PCDHGB7: variants seen among roughly 807,000 people sequenced by gnomAD.
The protein encoded by PCDHGB7 is protocadherin gamma-B7.
Under a neutral mutation model 61.4 loss-of-function variants are expected in PCDHGB7, and 37 were observed. That is an observed-to-expected ratio of 0.60 (90% CI 0.46 to 0.79). The LOEUF is 0.79. Among genes scored for constraint, PCDHGB7 ranks in the 30% least tolerant of loss-of-function variants. The pLI, the probability that PCDHGB7 is intolerant of heterozygous loss-of-function variation, is 0.00. For missense variants in PCDHGB7, 1,166 were observed against 1,202.5 expected (o/e 0.97, Z 0.45); for synonymous variants, 464 against 503.5 (o/e 0.92, Z 1.05).
At chr5:141,469,312 C>T (rs1387258560) in intron 1 of PCDHGB7, among the ~76,000 whole-genome samples, 2 of 152,064 alleles carry the variant, frequency 1.3e-5, no homozygotes, top group Non-Finnish European at 2.9e-5. Flanking sequence ...CACGATGGCT[C>T]ACGCCTGTAA....
chr5:141,425,949 C>T (rs2096905190), intron 1 of PCDHGB7, among the ~76,000 whole-genome samples: 1 of 152,224 alleles, frequency 6.6e-6, no homozygotes. Flanking sequence ...GTTTCCTATA[C>T]ATTAGTCCAA....
intron 1 of PCDHGB7, among the ~76,000 whole-genome samples, chr5:141,458,695 G>A (rs551105765): frequency 2.0e-5 from 3 of 151,852 alleles, no homozygotes; most frequent in Non-Finnish European, 2.9e-5. Context: ...TCAGCCTCCC[G>A]AGTAGCTGGG....
rs2099693161 is a variant in PCDHGB7, at chr5:141,489,871, G to T, written c.2416-4936G>T. ...TGAAGCCCAGGCAAGACATCAGCTG[G>T]TGCTTACTGCTGTGGATGGGGGGAC... On this transcript the variant is annotated intron_variant, in intron 1 of 3. Coordinates refer to ENST00000398594, the MANE Select transcript of PCDHGB7 (RefSeq NM_018927.4). This position sits in a 1 kb window ranked among gnomAD's most constrained non-coding sequence, Gnocchi z 4.5. The T allele has an allele frequency of 6.2e-7, 1 of 1,614,088 alleles. No homozygotes were observed. Among genetic ancestry groups the T allele is most frequent in the Non-Finnish European group, 8.5e-7 (1 of 1,180,022 alleles).
intron 1 of PCDHGB7, among the ~76,000 whole-genome samples, chr5:141,473,873 C>CA (rs1471085914): frequency 2.6e-5 from 4 of 152,130 alleles, no homozygotes; most frequent in African/African-American, 7.2e-5. Flanking sequence ...GTGGAGAATG[C>CA]ATACACAAGG....
At chr5:141,442,466 A>T (rs1270035223) in intron 1 of PCDHGB7, 1 of 152,254 alleles carries the variant, frequency 6.6e-6, no homozygotes, top group African/African-American at 2.4e-5. Flanking sequence ...TTCACTGCAG[A>T]AAGCCCCTTG....
At position 141,477,855 on chromosome 5, in the gene PCDHGB7, T is replaced by C; in HGVS notation, c.2416-16952T>C. The C allele has an allele frequency of 1.2e-6, 2 of 1,613,698 alleles. No individual in the cohort carries two copies. The highest frequency in any genetic ancestry group is 1.7e-6 in the Non-Finnish European group (2 of 1,179,882). On this transcript the variant is annotated intron_variant, in intron 1 of 3. Coordinates refer to ENST00000398594, the MANE Select transcript of PCDHGB7 (RefSeq NM_018927.4). The surrounding 1 kb of genome is among the most constrained non-coding windows in gnomAD (Gnocchi z 4.9). ...CCAGGTGGGAGCTCGGTGGAGATGC[T>C]GCCTCGAGGTACCTCAGCTGGCCAC...
intron 1 of PCDHGB7, among the ~76,000 whole-genome samples, chr5:141,461,968 C>A (rs2099027589): frequency 6.6e-6 from 1 of 152,204 alleles, no homozygotes; most frequent in African/African-American, 2.4e-5. Context: ...GGATTCCAGG[C>A]ATATGCCACC....
rs770219250 is a variant in PCDHGB7, at chr5:141,477,852, T to C, written c.2416-16955T>C. Reference sequence around the variant, plus strand: ...CGGCCAGGTGGGAGCTCGGTGGAGATGCTGCCTCGAGGTACCTCAGCTGGC... The same window carrying C: ...CGGCCAGGTGGGAGCTCGGTGGAGACGCTGCCTCGAGGTACCTCAGCTGGC... On this transcript the variant is annotated intron_variant, in intron 1 of 3. Transcript: ENST00000398594. This position sits in a 1 kb window ranked among gnomAD's most constrained non-coding sequence, Gnocchi z 4.9. The C allele has an allele frequency of 6.2e-7, 1 of 1,613,654 alleles. No homozygotes were observed. Among genetic ancestry groups the C allele is most frequent in the Admixed American group, 1.7e-5 (1 of 59,980 alleles).
Position 141,486,219 on chromosome 5 carries a change from A to G in PCDHGB7, c.2416-8588A>G. 1 of 1,614,134 alleles carries G rather than the reference A, an allele frequency of 6.2e-7. No individual in the cohort carries two copies. Among genetic ancestry groups the G allele is most frequent in the African/African-American group, 1.3e-5 (1 of 75,042 alleles). ...CTGGACGTAAATGACAATGCCCCTT[A>G]CATCACAGTGACCTCAGAGCTTGGA... On this transcript the variant is annotated intron_variant, in intron 1 of 3. Transcript: ENST00000398594. This position sits in a 1 kb window ranked among gnomAD's most constrained non-coding sequence, Gnocchi z 5.0.
chr5:141,509,638 A>G (rs1204228233), intron 3 of PCDHGB7, among the ~76,000 whole-genome samples: 1 of 152,174 alleles, frequency 6.6e-6, no homozygotes, highest in Admixed American at 6.5e-5. Flanking sequence ...ATGCTGAGCC[A>G]GGGCCAGAGT....
Position 141,485,243 on chromosome 5 carries a change from C to A in PCDHGB7, c.2416-9564C>A. ...TACCCTTTTGTTCCTCTTTTACCACCTGGGTTACGTTTGTGGGCAGATCCG... is the reference window on the plus strand; with the variant it reads ...TACCCTTTTGTTCCTCTTTTACCACATGGGTTACGTTTGTGGGCAGATCCG... On this transcript the variant is annotated intron_variant, in intron 1 of 3. Transcript: ENST00000398594. This position sits in a 1 kb window ranked among gnomAD's most constrained non-coding sequence, Gnocchi z 5.7. 1 of 1,614,180 alleles carries A rather than the reference C, an allele frequency of 6.2e-7. No homozygotes were observed. The highest frequency in any genetic ancestry group is 8.5e-7 in the Non-Finnish European group (1 of 1,180,000).
rs2097721634 is a variant in PCDHGB7, at chr5:141,434,835, A to G, written c.2415+14561A>G. On this transcript the variant is annotated intron_variant, in intron 1 of 3. Coordinates refer to ENST00000398594, the MANE Select transcript of PCDHGB7 (RefSeq NM_018927.4). ...ATATCCCTTAGTACACTTGGCATTT[A>G]TAAAGCAGACATCAATAAATTTATA... 2.0e-5 allele frequency among the ~76,000 whole-genome samples: 3 copies of G among 151,972 alleles called. 1 individual carries two copies. In the South Asian group the frequency reaches 6.2e-4, roughly 32 times the overall value.
chr5:141,430,951 C>A, intron 1 of PCDHGB7: 3 of 1,610,496 alleles, frequency 1.9e-6, no homozygotes, highest in Non-Finnish European at 2.5e-6. Flanking sequence ...AGCGCGGAGT[C>A]CGCATCATCC....
rs982627903 is a variant in PCDHGB7, at chr5:141,421,421, T to C, written c.2415+1147T>C. ...CCCCGGGAGCTGGCGAAGCGCGGAGTCCGCATCGTCTCCAGAGGGAAGACA... is the reference window on the plus strand; with the variant it reads ...CCCCGGGAGCTGGCGAAGCGCGGAGCCCGCATCGTCTCCAGAGGGAAGACA... On this transcript the variant is annotated intron_variant, in intron 1 of 3. Coordinates refer to ENST00000398594, the MANE Select transcript of PCDHGB7 (RefSeq NM_018927.4). The C allele has an allele frequency of 6.2e-7, 1 of 1,613,994 alleles. No individual in the cohort carries two copies. The highest frequency in any genetic ancestry group is 1.3e-5 in the African/African-American group (1 of 75,052).
chr5:141,431,265 G>A lies in PCDHGB7; in HGVS notation c.2415+10991G>A. 2 of 1,614,168 alleles carry A rather than the reference G, an allele frequency of 1.2e-6. No homozygotes were observed. On this transcript the variant is annotated intron_variant, in intron 1 of 3. Transcript: ENST00000398594. This position sits in a 1 kb window ranked among gnomAD's most constrained non-coding sequence, Gnocchi z 4.8. ...GATATCGGGAAGAACTCTCTGCAGA[G>A]CTACGAGCTCAGCCCGAACACTCAC...
chr5:141,433,508 A>G (rs2097615565), intron 1 of PCDHGB7, among the ~76,000 whole-genome samples: 1 of 152,068 alleles, frequency 6.6e-6, no homozygotes, highest in Non-Finnish European at 1.5e-5. Context: ...TGCTGGGATT[A>G]CAGGCGTGAA....
intron 1 of PCDHGB7, among the ~76,000 whole-genome samples, chr5:141,425,189 T>C (rs1042702500): frequency 2.6e-5 from 4 of 152,116 alleles, no homozygotes; most frequent in African/African-American, 7.2e-5. Flanking sequence ...AATTCCAAAC[T>C]GAGAAAAATG....
rs2099629540 is a variant in PCDHGB7, at chr5:141,486,436, T to C, written c.2416-8371T>C. 2 of 1,614,188 alleles carry C rather than the reference T, an allele frequency of 1.2e-6. No individual in the cohort carries two copies. The highest frequency in any genetic ancestry group is 1.7e-6 in the Non-Finnish European group (2 of 1,180,020). On this transcript the variant is annotated intron_variant, in intron 1 of 3. Coordinates refer to ENST00000398594, the MANE Select transcript of PCDHGB7 (RefSeq NM_018927.4). This position sits in a 1 kb window ranked among gnomAD's most constrained non-coding sequence, Gnocchi z 5.0. ...TGGATCGAGAGGCCAAATCTAGCTA[T>C]GACATCATGGTCACTGCTTCTGATG... is the stretch of plus-strand genomic sequence containing the variant.
In PCDHGB7 at chr5:141,487,954, T is replaced by C. The variant is rs2099669751; in HGVS notation, c.2416-6853T>C. On this transcript the variant is annotated intron_variant, in intron 1 of 3. Transcript: ENST00000398594. The surrounding 1 kb of genome is among the most constrained non-coding windows in gnomAD (Gnocchi z 5.0). ...GGGTACAGTGCACCAGGCAGTCACTTGGACAAAGGTGGCTGTTTTCTCTAC... is the reference window on the plus strand; with the variant it reads ...GGGTACAGTGCACCAGGCAGTCACTCGGACAAAGGTGGCTGTTTTCTCTAC... Among the ~76,000 whole-genome samples the C allele has an allele frequency of 6.6e-6, 1 of 152,182 alleles. No homozygotes were observed. The highest frequency in any genetic ancestry group is 1.5e-5 in the Non-Finnish European group (1 of 68,020).
Sources: allele counts gnomAD v4.1 joint callset (sites outside exome capture counted in the v4.1 genomes callset), GRCh38; gene constraint gnomAD v4.1.1; non-coding constraint Gnocchi (gnomAD v3.1); transcripts MANE v1.5; gene names NCBI Gene and HGNC (gene_info 2026-07-23, HGNC 2026-07-21).